The following RBL1 variants were observed in gnomAD, a reference collection of about 807,000 sequenced individuals.
The protein encoded by RBL1 is RB transcriptional corepressor like 1.
RBL1 carries 82 observed loss-of-function variants against 123.0 expected under a neutral mutation model. The ratio of observed to expected loss-of-function variants is 0.67; its 90% CI spans 0.56 to 0.80. The LOEUF (loss-of-function observed/expected upper bound fraction) is 0.80, where lower values mean the gene tolerates loss of function less well. Ranked by LOEUF, RBL1 falls within the 30% of genes least tolerant of loss-of-function variation. RBL1 has a pLI of 0.00. For synonymous variants in RBL1, 405 were observed against 441.3 expected (o/e 0.92, Z 1.03); for missense variants, 1,171 against 1,299.6 (o/e 0.90, Z 1.52).
chr20:37,039,860 C>T (rs747616050), intron 14 of RBL1, among the ~76,000 whole-genome samples: 1 of 151,952 alleles, frequency 6.6e-6, no homozygotes. Flanking sequence ...AAGATGCCAT[C>T]GTGCCTGACT....
chr20:37,064,549 G>A (rs1029954275), intron 7 of RBL1, among the ~76,000 whole-genome samples: 2 of 152,078 alleles, frequency 1.3e-5, no homozygotes, highest in African/African-American at 4.8e-5. Flanking sequence ...TTAGAGACCA[G>A]CCTGGGCAAC....
intron 2 of RBL1, among the ~76,000 whole-genome samples, chr20:37,082,306 A>C (rs1188059132): frequency 2.0e-5 from 3 of 152,220 alleles, no homozygotes; most frequent in Non-Finnish European, 4.4e-5. Context: ...CTAACAGCTA[A>C]ACAGCTGAGT....
rs1482595368 is a variant in RBL1, at chr20:37,056,194, AG to A, written c.1314del (p.Cys439ValfsTer16). Reference sequence around the variant, plus strand: ...TCTGTTGATTGAGTATAGTGTTGACAGAAAGTCTCTCCTATTCCTTTTAGTA... The same window carrying A: ...TCTGTTGATTGAGTATAGTGTTGACAAAAGTCTCTCCTATTCCTTTTAGTA... ...MKILKGIGET[F>X]CQHYTQSTDE... On this transcript the variant is annotated frameshift_variant, in exon 10 of 22. Coordinates refer to ENST00000373664, the MANE Select transcript of RBL1 (RefSeq NM_002895.5). LOFTEE classifies it high-confidence loss of function. 6.2e-7 allele frequency: 1 copy of A among 1,611,386 alleles called. No individual in the cohort carries two copies. Among genetic ancestry groups the A allele is most frequent in the Non-Finnish European group, 8.5e-7 (1 of 1,179,874 alleles).
chr20:36,998,957 G>A (rs1024112036), intron 21 of RBL1, 28 bp from the exon 22 acceptor site: 1 of 1,587,596 alleles, frequency 6.3e-7, no homozygotes, highest in Non-Finnish European at 8.6e-7. Flanking sequence ...ACGTGTGTGA[G>A]TAAAAGAGGG....
intron 21 of RBL1, among the ~76,000 whole-genome samples, chr20:37,000,049 G>C (rs2063941600): frequency 6.6e-6 from 1 of 151,432 alleles, no homozygotes; most frequent in Admixed American, 6.6e-5. Flanking sequence ...GAAGTGAGGA[G>C]CGTCTCTGCC....
At chr20:37,083,386 T>C (rs2065484569) in intron 2 of RBL1, among the ~76,000 whole-genome samples, 1 of 151,970 alleles carries the variant, frequency 6.6e-6, no homozygotes, top group Non-Finnish European at 1.5e-5. Flanking sequence ...GAGGATCACT[T>C]GAGCCCAGAA....
chr20:37,026,591 C>T (rs113904217), intron 16 of RBL1, among the ~76,000 whole-genome samples: 15 of 152,110 alleles, frequency 9.9e-5, no homozygotes, highest in African/African-American at 3.1e-4. Flanking sequence ...GTAATCCCAG[C>T]TACTCAGGAG....
At chr20:37,006,769 G>A (rs1418153343) in intron 20 of RBL1, among the ~76,000 whole-genome samples, 1 of 150,196 alleles carries the variant, frequency 6.7e-6, no homozygotes. Flanking sequence ...GAGCCCGGGA[G>A]GCAGAGGTTG....
chr20:37,003,772 G>T lies in RBL1; in HGVS notation c.2966C>A (p.Pro989Gln), dbSNP rs757362982. 6.2e-7 allele frequency: 1 copy of T among 1,613,958 alleles called. No homozygotes were observed. The part of the protein sequence containing the change: ...ISQQHSIYIS[P>Q]HKNGSGLTPR... ...TGTAAGGCCTGACCCATTCTTGTGC[G>T]GGGAAATATAAATGGAGTGCTGCTG... Residue 989 changes from proline to glutamine, a missense_variant, in exon 21 of 22, where the codon CCG becomes CAG. Pro to Gln is a moderately conservative substitution (Grantham distance 76, BLOSUM62 -1). Transcript: ENST00000373664.
At position 37,035,330 on chromosome 20, in the gene RBL1, T is replaced by C. The variant is rs372113092; in HGVS notation, c.2082A>G (p.Val694=). Residue 694 remains valine (V), a synonymous_variant, in exon 15 of 22, where the codon GTA becomes GTG. Transcript: ENST00000373664. ...APSSSITAEN[V]SILPGQTLLT... is the part of the protein sequence containing the mutation. ...GAAGAGTTTGACCAGGTAAAATTGATACATTTTCAGCAGTAATGCTTGAAG... is the reference window on the plus strand; with the variant it reads ...GAAGAGTTTGACCAGGTAAAATTGACACATTTTCAGCAGTAATGCTTGAAG... 3.1e-5 allele frequency: 50 copies of C among 1,614,104 alleles called. No individual in the cohort carries two copies. The highest frequency in any genetic ancestry group is 1.7e-4 in the Admixed American group (10 of 60,018).
intron 19 of RBL1, 25 bp downstream of exon 19, chr20:37,018,253 AT>A: frequency 1.9e-6 from 3 of 1,588,696 alleles, no homozygotes. Flanking sequence ...TGTTTTACAT[AT>A]AATATGTTAA....
intron 6 of RBL1, among the ~76,000 whole-genome samples, chr20:37,066,301 C>T (rs892965181): frequency 1.3e-5 from 2 of 152,226 alleles, no homozygotes; most frequent in African/African-American, 4.8e-5. Context: ...CATGGATTTT[C>T]TGCTCGATTT....
In RBL1 at chr20:37,044,083, C is replaced by T. The variant is rs766313047; in HGVS notation, c.1770+3G>A. 9 of 1,551,782 alleles carry T rather than the reference C, an allele frequency of 5.8e-6. No homozygotes were observed. The African/African-American group carries it at 1.3e-4, about 22-fold the overall frequency. On this transcript the variant is annotated splice_donor_region_variant and intron_variant, in intron 13 of 21. Coordinates refer to ENST00000373664, the MANE Select transcript of RBL1 (RefSeq NM_002895.5). ...TACGATTATCAGCCTTGCCCAGACT[C>T]ACTTCTTCACAGGTAGGAACTTTGT...
chr20:37,005,319 T>C (rs758055466), intron 20 of RBL1, among the ~76,000 whole-genome samples: 45 of 151,546 alleles, frequency 3.0e-4, no homozygotes, highest in African/African-American at 4.9e-5. Flanking sequence ...AGTTACAGAA[T>C]TGCCTGAACC....
chr20:37,038,327 A>C (rs1339994541), intron 14 of RBL1, among the ~76,000 whole-genome samples: 3 of 110,594 alleles, frequency 2.7e-5, no homozygotes, highest in Non-Finnish European at 5.3e-5. Flanking sequence ...TTTGGGTCGG[A>C]GACTCGCTCT....
chr20:37,049,745 A>T (rs1288325986), intron 11 of RBL1: 8 of 553,350 alleles, frequency 1.4e-5, no homozygotes, highest in Admixed American at 3.0e-5. Context: ...ACTAACATTT[A>T]AAAAAATTTA....
At chr20:37,009,585 C>T (rs553514267) in intron 19 of RBL1, among the ~76,000 whole-genome samples, 9 of 151,934 alleles carry the variant, frequency 5.9e-5, no homozygotes, top group Non-Finnish European at 1.3e-4. Context: ...GTCTCTAACT[C>T]CTGGGCTCAA....
chr20:37,068,913 G>A (rs1219547035), intron 2 of RBL1, among the ~76,000 whole-genome samples: 1 of 152,232 alleles, frequency 6.6e-6, no homozygotes, highest in Non-Finnish European at 1.5e-5. Context: ...AAGCTGGACT[G>A]TACTGCTGCC....
chr20:37,070,256 A>AG (rs2065263680), intron 2 of RBL1, among the ~76,000 whole-genome samples: 2 of 152,190 alleles, frequency 1.3e-5, no homozygotes. Flanking sequence ...TTTGTTAAAC[A>AG]GATGCTTGAA....
Sources: gnomAD v4.1 joint callset for allele counts (sites outside exome capture counted in the v4.1 genomes callset) on GRCh38, gnomAD v4.1.1 for gene constraint, MANE v1.5 for transcripts, NCBI Gene and HGNC (gene_info 2026-07-23, HGNC 2026-07-21) for gene names.